The following TMA16 variants were observed in gnomAD, a reference collection of about 807,000 sequenced individuals.
TMA16 encodes the protein translation machinery associated 16 homolog.
A neutral mutation model predicts 27.1 loss-of-function variants in TMA16; 26 were observed. The observed-to-expected ratio is 0.96, with a 90% CI of 0.70 to 1.33. The LOEUF (loss-of-function observed/expected upper bound fraction) is 1.33, where lower values mean the gene tolerates loss of function less well. Ranked by LOEUF, TMA16 falls within the 40% of genes most tolerant of loss-of-function variation. TMA16 has a pLI of 0.00. For synonymous variants in TMA16, 71 were observed against 81.9 expected, an observed-to-expected ratio of 0.87 and a Z score of 0.72; for missense variants, 233 against 241.4, an observed-to-expected ratio of 0.97 and a Z score of 0.23.
intron 5 of TMA16, chr4:163,517,165 G>A: frequency 2.7e-6 from 1 of 375,124 alleles, no homozygotes; most frequent in South Asian, 2.5e-5. Flanking sequence ...GCCTTCCAAA[G>A]TGCTGGGATT....
At chr4:163,505,405 A>G (rs1307750761) in intron 1 of TMA16, among the ~76,000 whole-genome samples, 1 of 152,236 alleles carries the variant, frequency 6.6e-6, no homozygotes, top group Non-Finnish European at 1.5e-5. Flanking sequence ...GTTTATCAGA[A>G]AGCGAGCAGA....
intron 1 of TMA16, among the ~76,000 whole-genome samples, chr4:163,506,816 G>C (rs1737723603): frequency 6.6e-6 from 1 of 152,122 alleles, no homozygotes; most frequent in South Asian, 2.1e-4. Context: ...TCATTGGAGA[G>C]CACCTCTGAA....
At position 163,519,391 on chromosome 4, in the gene TMA16, T is replaced by A. The variant is rs374427533; in HGVS notation, c.489T>A (p.Ala163=). The change falls in exon 7 of 7, where the codon GCT becomes GCA. Residue 163 remains alanine, a synonymous_variant. Coordinates refer to ENST00000358572, the MANE Select transcript of TMA16 (RefSeq NM_018352.3). ...LPNIKMRKIC[A]NDAIPKTCKR... ...ACATTAAAATGAGAAAAATTTGCGC[T>A]AATGATGCAATTCCCAAGACGTGCA... 4.4e-6 allele frequency: 7 copies of A among 1,607,072 alleles called. No individual in the cohort carries two copies. The African/African-American group carries it at 6.7e-5, about 15-fold the overall frequency.
intron 2 of TMA16, 152 bp downstream of exon 2, chr4:163,507,297 C>G (rs1357384632): frequency 1.5e-6 from 1 of 680,240 alleles, no homozygotes; most frequent in East Asian, 2.9e-5. Context: ...TGAACAAGGA[C>G]TCTACTCTTT....
chr4:163,510,297 G>A (rs1034564970), intron 2 of TMA16, among the ~76,000 whole-genome samples: 1 of 152,158 alleles, frequency 6.6e-6, no homozygotes, highest in Non-Finnish European at 1.5e-5. Context: ...TTTGACAATT[G>A]TATACATTGG....
intron 1 of TMA16, among the ~76,000 whole-genome samples, chr4:163,504,026 T>C (rs1737684823): frequency 6.6e-6 from 1 of 152,180 alleles, no homozygotes; most frequent in South Asian, 2.1e-4. Flanking sequence ...CGTATAAAGC[T>C]ATGAGGACGT....
intron 1 of TMA16, among the ~76,000 whole-genome samples, chr4:163,506,056 A>G (rs1737714749): frequency 6.6e-6 from 1 of 152,192 alleles, no homozygotes; most frequent in South Asian, 2.1e-4. Flanking sequence ...TAACACTGTG[A>G]ATAAATTTTG....
intron 2 of TMA16, among the ~76,000 whole-genome samples, chr4:163,507,747 G>C (rs976538204): frequency 1.3e-5 from 2 of 151,992 alleles, no homozygotes; most frequent in African/African-American, 4.8e-5. Context: ...GGAAAAGAAG[G>C]AGCATTCCAC....
Position 163,517,456 on chromosome 4 carries a change from A to C in TMA16, c.411A>C (p.Ala137=), listed in dbSNP as rs763655100. The C allele has an allele frequency of 4.3e-6, 7 of 1,613,600 alleles. No individual in the cohort carries two copies. The East Asian group carries it at 1.3e-4, about 31-fold the overall frequency. Residue 137 remains alanine, a synonymous_variant, in exon 6 of 7, where the codon GCA becomes GCC. Transcript: ENST00000358572. ...CAGAGATTCCAGACATTCTAAATGC[A>C]AGTAATCTGAAAACATTTAGGTGAG... ...YGLEIPDILN[A]SNLKTFREWD... is the part of the protein sequence containing the mutation.
At chr4:163,505,084 T>C (rs982728962) in intron 1 of TMA16, among the ~76,000 whole-genome samples, 2 of 152,142 alleles carry the variant, frequency 1.3e-5, no homozygotes, top group Admixed American at 6.5e-5. Context: ...AGTGAGTCGG[T>C]AGGTCCAGCC....
At chr4:163,507,011 C>T (rs1737725610) in intron 1 of TMA16, 22 bp from the exon 2 acceptor site, 1 of 1,553,054 alleles carries the variant, frequency 6.4e-7, no homozygotes, top group East Asian at 2.3e-5. Context: ...CTATATGTGT[C>T]ATGTGTTTTC....
chr4:163,519,877 T>A lies in TMA16; in HGVS notation c.*363T>A. 1.9e-6 allele frequency: 1 copy of A among 530,436 alleles called. No homozygotes were observed. 32.9% of individuals were successfully genotyped at this position (530,436 alleles called of 1,614,324 possible). On this transcript the variant is annotated 3_prime_UTR_variant, in exon 7 of 7. Coordinates refer to ENST00000358572, the MANE Select transcript of TMA16 (RefSeq NM_018352.3). ...GACAGTAACCTGTTTCCTGAAAGAT[T>A]CCTGTGGGTACTTTTTGAGCTGTGA...
chr4:163,517,858 T>A (rs1434877487), intron 6 of TMA16, among the ~76,000 whole-genome samples: 1 of 152,198 alleles, frequency 6.6e-6, no homozygotes, highest in Non-Finnish European at 1.5e-5. Flanking sequence ...AAGATGGTTA[T>A]AGGAATGACT....
At chr4:163,504,436 G>T (rs1472015737) in intron 1 of TMA16, among the ~76,000 whole-genome samples, 1 of 152,160 alleles carries the variant, frequency 6.6e-6, no homozygotes, top group Non-Finnish European at 1.5e-5. Flanking sequence ...TCACAAGGTT[G>T]CAGTGAAAGT....
intron 4 of TMA16, 93 bp downstream of exon 4, chr4:163,514,251 A>G (rs1737843405): frequency 2.0e-6 from 2 of 979,088 alleles, no homozygotes; most frequent in Middle Eastern, 2.2e-4. Context: ...GGATTTGCAG[A>G]AGAGCAAATG....
intron 6 of TMA16, among the ~76,000 whole-genome samples, chr4:163,518,281 A>T (rs1737915458): frequency 6.6e-6 from 1 of 152,194 alleles, no homozygotes. Context: ...ATCTGTAAAA[A>T]TCCTAGAAGA....
intron 2 of TMA16, 65 bp from the exon 3 acceptor site, chr4:163,512,757 A>C: frequency 8.0e-7 from 1 of 1,253,302 alleles, no homozygotes; most frequent in South Asian, 1.4e-5. Flanking sequence ...TTTCGTTGTT[A>C]TTGTCAGAGT....
chr4:163,515,562 A>C, intron 5 of TMA16, 101 bp downstream of exon 5: 1 of 1,375,448 alleles, frequency 7.3e-7, no homozygotes, highest in Non-Finnish European at 9.7e-7. Context: ...ATTTCATTTG[A>C]TTTTCTTCCT....
intron 1 of TMA16, among the ~76,000 whole-genome samples, chr4:163,504,726 G>C (rs1426552467): frequency 6.6e-6 from 1 of 152,162 alleles, no homozygotes. Flanking sequence ...TTGAACTCCA[G>C]GCCACAAGTG....
Sources: gnomAD v4.1 joint callset for allele counts (sites outside exome capture counted in the v4.1 genomes callset) on GRCh38, gnomAD v4.1.1 for gene constraint, MANE v1.5 for transcripts, NCBI Gene and HGNC (gene_info 2026-07-23, HGNC 2026-07-21) for gene names.